SCNN1A: variants seen among roughly 807,000 people sequenced by gnomAD.
The protein encoded by SCNN1A is sodium channel epithelial 1 subunit alpha, also known as epithelial sodium channel subunit alpha.
A neutral mutation model predicts 68.6 loss-of-function variants in SCNN1A; 65 were observed. The observed-to-expected ratio is 0.95, with a 90% CI of 0.78 to 1.16. The LOEUF (loss-of-function observed/expected upper bound fraction) is 1.16, where lower values mean the gene tolerates loss of function less well. Ranked by LOEUF, SCNN1A falls within the 50% of genes most tolerant of loss-of-function variation. The pLI is 0.00. For synonymous variants in SCNN1A, 357 were observed against 353.3 expected, an observed-to-expected ratio of 1.01 and a Z score of -0.12; for missense variants, 880 against 865.9, an observed-to-expected ratio of 1.02 and a Z score of -0.20.
chr12:6,349,645 T>C (rs938448691), intron 8 of SCNN1A, among the ~76,000 whole-genome samples: 18 of 151,794 alleles, frequency 1.2e-4, no homozygotes, highest in Admixed American at 1.1e-3. Context: ...GAGTTCAAGG[T>C]TGCAAGTGAG....
Position 6,351,199 on chromosome 12 carries a change from G to A in SCNN1A, c.1361-1794C>T, listed in dbSNP as rs112288151. ...AAGTGTGGTCTATCCATACAAGGGAGTGTTGTTATTCAGCCATATAAAGGA... is the reference window on the plus strand; with the variant it reads ...AAGTGTGGTCTATCCATACAAGGGAATGTTGTTATTCAGCCATATAAAGGA... On this transcript the variant is annotated intron_variant, in intron 8 of 12. Coordinates refer to ENST00000228916, the MANE Select transcript of SCNN1A (RefSeq NM_001038.6). The surrounding 1 kb of genome is among the most constrained non-coding windows in gnomAD (Gnocchi z 4.2). Among the ~76,000 whole-genome samples the A allele has an allele frequency of 2.6e-5, 4 of 152,352 alleles. No homozygotes were observed. The highest frequency in any genetic ancestry group is 7.2e-5 in the African/African-American group (3 of 41,582).
rs777885079 is a variant in SCNN1A at position 6,361,167 on chromosome 12, G to A, written c.875+884C>T. ...CAGTGACTGGCACATAGCCCAGATA[G>A]TCAAAACTATTTGTTGAACGAACAC... On this transcript the variant is annotated intron_variant, in intron 4 of 12. Coordinates refer to ENST00000228916, the MANE Select transcript of SCNN1A (RefSeq NM_001038.6). 4.6e-5 allele frequency among the ~76,000 whole-genome samples: 7 copies of A among 152,198 alleles called. No homozygotes were observed. In the South Asian group the frequency reaches 1.0e-3, roughly 22 times the overall value.
At chr12:6,348,391 C>G in intron 12 of SCNN1A, 138 bp from the exon 13 acceptor site, 12 of 1,518,910 alleles carry the variant, frequency 7.9e-6, no homozygotes, top group Non-Finnish European at 1.1e-5. Flanking sequence ...CTCAGCAGCC[C>G]CCTGGGCTCT....
intron 3 of SCNN1A, 54 bp from the exon 4 acceptor site, chr12:6,362,295 G>A (rs1197567571): frequency 1.3e-6 from 2 of 1,521,356 alleles, no homozygotes; most frequent in African/African-American, 2.7e-5. Flanking sequence ...TAAGCCCCTT[G>A]GCAGGGCCAA....
At position 6,351,287 on chromosome 12, in the gene SCNN1A, G is replaced by T. The variant is rs1219262824; in HGVS notation, c.1361-1882C>A. On this transcript the variant is annotated intron_variant, in intron 8 of 12. Transcript: ENST00000228916. The surrounding 1 kb of genome is among the most constrained non-coding windows in gnomAD (Gnocchi z 4.2). ...GAAAATATTATGCTAAGTGAAATAA[G>T]GCAGACACGAGGGTCACACACTCTA... Among the ~76,000 whole-genome samples, 1 of 152,130 alleles carries T rather than the reference G, an allele frequency of 6.6e-6. No homozygotes were observed. Among genetic ancestry groups the T allele is most frequent in the African/African-American group, 2.4e-5 (1 of 41,430 alleles).
chr12:6,356,211 C>T (rs1194985265), intron 4 of SCNN1A: 5 of 394,600 alleles, frequency 1.3e-5, no homozygotes, highest in East Asian at 1.1e-4. Flanking sequence ...CTGGGTTCAC[C>T]GGCATTGACT....
At chr12:6,349,095 A>C (rs1384709097) in intron 10 of SCNN1A, 69 bp downstream of exon 10, 2 of 1,602,462 alleles carry the variant, frequency 1.2e-6, no homozygotes, top group Non-Finnish European at 8.5e-7. Context: ...CATACACATA[A>C]TACCCAGAGA....
chr12:6,350,301 G>A (rs974957226), intron 8 of SCNN1A, among the ~76,000 whole-genome samples: 17 of 151,250 alleles, frequency 1.1e-4, no homozygotes, highest in Admixed American at 7.2e-4. Flanking sequence ...GCGTGGTGGC[G>A]GGCGCCTGTA....
chr12:6,357,113 G>A (rs1288649430), intron 4 of SCNN1A, among the ~76,000 whole-genome samples: 2 of 152,188 alleles, frequency 1.3e-5, no homozygotes, highest in Admixed American at 6.5e-5. Context: ...TAGATGCAGG[G>A]AAGGACTGAA....
upstream of SCNN1A, among the ~76,000 whole-genome samples, chr12:6,376,564 G>A (rs1948913703): frequency 1.3e-5 from 2 of 152,260 alleles, no homozygotes; most frequent in South Asian, 2.1e-4. Context: ...CAGGCCCTGG[G>A]AGGAGGAGAA....
intron 12 of SCNN1A, 24 bp from the exon 13 acceptor site, chr12:6,348,277 C>T (rs72657543): frequency 3.5e-5 from 57 of 1,613,622 alleles, no homozygotes; most frequent in African/African-American, 1.6e-4. Context: ...GGTACATTGA[C>T]GATGGGACAG....
intron 8 of SCNN1A, 104 bp downstream of exon 8, chr12:6,354,334 G>A: frequency 3.8e-6 from 3 of 782,258 alleles, no homozygotes; most frequent in Non-Finnish European, 7.0e-6. Flanking sequence ...ATCCCAGCAG[G>A]TGGGAGCCAG....
intron 5 of SCNN1A, 45 bp from the exon 6 acceptor site, chr12:6,355,480 G>A (rs764412432): frequency 1.2e-6 from 2 of 1,602,390 alleles, no homozygotes. Context: ...GGGAATCCTA[G>A]AAAAGAGTTA....
rs750308229 is a variant in SCNN1A, at chr12:6,349,152, C to T, written c.1497+12G>A. 1.2e-5 allele frequency: 19 copies of T among 1,613,466 alleles called. No individual in the cohort carries two copies. In the South Asian group the frequency reaches 2.0e-4, roughly 17 times the overall value. ...ACACACATCCCCCACCCATCCCTTCCCCACACTCTACCTGGGATGTCACCG... is the reference window on the plus strand; with the variant it reads ...ACACACATCCCCCACCCATCCCTTCTCCACACTCTACCTGGGATGTCACCG... On this transcript the variant is annotated intron_variant, in intron 10 of 12. Transcript: ENST00000228916.
chr12:6,376,727 C>T (rs1034800154), upstream of SCNN1A, among the ~76,000 whole-genome samples: 2 of 152,046 alleles, frequency 1.3e-5, no homozygotes, highest in African/African-American at 4.8e-5. Context: ...GGAGAGCCAC[C>T]CACACAACCC....
chr12:6,347,986 G>C lies in SCNN1A; in HGVS notation c.1897C>G (p.Pro633Ala), dbSNP rs1948292721. Residue 633 changes from proline (P) to alanine (A), a missense_variant, in exon 13 of 13, where the codon CCC (proline) becomes GCC (alanine). Pro to Ala is a conservative substitution (Grantham distance 27). This residue lies in a region of SCNN1A where 758 missense variants were observed against 721.8 expected (regional missense o/e 1.05). Coordinates refer to ENST00000228916, the MANE Select transcript of SCNN1A (RefSeq NM_001038.6). ...SLSLSQPGPA[P>A]SPALTAPPPA... is the part of the protein sequence containing the mutation. The stretch of plus-strand genomic sequence containing the variant: ...GGAGGGGCTGTCAAGGCTGGAGAGG[G>C]AGCAGGGCCTGGCTGGGACAAGGAC... The C allele has an allele frequency of 6.4e-7, 1 of 1,572,442 alleles. No homozygotes were observed. Among genetic ancestry groups the C allele is most frequent in the Non-Finnish European group, 8.6e-7 (1 of 1,156,246 alleles).
At chr12:6,362,754 A>G (rs1948601282) in intron 3 of SCNN1A, among the ~76,000 whole-genome samples, 1 of 151,436 alleles carries the variant, frequency 6.6e-6, no homozygotes, top group African/African-American at 2.4e-5. Context: ...ATCAAGGCTC[A>G]CAGCAGTCTC....
chr12:6,375,840 C>G, upstream of SCNN1A: 1 of 1,336,256 alleles, frequency 7.5e-7, no homozygotes, highest in South Asian at 2.0e-5. Flanking sequence ...AAGGGGCCAG[C>G]CAGGCTGAGA....
At chr12:6,357,090 C>T (rs1050397938) in intron 4 of SCNN1A, among the ~76,000 whole-genome samples, 10 of 152,142 alleles carry the variant, frequency 6.6e-5, no homozygotes, top group Non-Finnish European at 1.2e-4. Flanking sequence ...GTCAGCACTT[C>T]TAGAGCCCAG....
Sources: gnomAD v4.1 joint callset for allele counts (sites outside exome capture counted in the v4.1 genomes callset) on GRCh38, gnomAD v4.1.1 for gene constraint, gnomAD v4.1.1 regional missense constraint, Gnocchi (gnomAD v3.1) non-coding constraint, MANE v1.5 for transcripts, NCBI Gene and HGNC (gene_info 2026-07-23, HGNC 2026-07-21) for gene names.